Variants in CALB2 observed in about 807,000 individuals in gnomAD.
The protein encoded by CALB2 is calretinin.
CALB2 carries 34 observed loss-of-function variants against 45.9 expected under a neutral mutation model. The ratio of observed to expected loss-of-function variants is 0.74; its 90% confidence interval spans 0.56 to 0.99. The LOEUF (loss-of-function observed/expected upper bound fraction) is 0.99. Ranked by LOEUF, CALB2 falls within the 50% of genes least tolerant of loss-of-function variation. The pLI, the probability that CALB2 is intolerant of heterozygous loss-of-function variation, is 0.00. For missense variants in CALB2, 344 were observed against 339.3 expected (o/e 1.01, Z -0.11); for synonymous variants, 142 against 129.6 (o/e 1.10, Z -0.65).
intron 2 of CALB2, among the ~76,000 whole-genome samples, chr16:71,373,961 C>T (rs897757766): frequency 2.6e-5 from 4 of 152,190 alleles, no homozygotes; most frequent in African/African-American, 9.7e-5. Context: ...TCCTGGGGAG[C>T]ACACAATTCA....
chr16:71,375,842 T>A (rs1177842162), intron 3 of CALB2, among the ~76,000 whole-genome samples: 1 of 152,212 alleles, frequency 6.6e-6, no homozygotes, highest in African/African-American at 2.4e-5. Context: ...TGGTCTGTTG[T>A]ACCCCTGTGT....
rs1306099822 is a variant in CALB2 at position 71,372,165 on chromosome 16, T to C, written c.107T>C (p.Ile36Thr). The C allele has an allele frequency of 1.9e-6, 3 of 1,609,296 alleles. No homozygotes were observed. The highest frequency in any genetic ancestry group is 2.6e-6 in the Non-Finnish European group (3 of 1,176,426). ...KHFDADGNGY[I>T]EGKELENFFQ... ...TCTCTTTTTACAGGAAATGGGTATATTGAAGGTAAAGAGCTAGAAAACTTT... is the reference window on the plus strand; with the variant it reads ...TCTCTTTTTACAGGAAATGGGTATACTGAAGGTAAAGAGCTAGAAAACTTT... Residue 36 changes from isoleucine to threonine, a missense_variant, in exon 2 of 11, where the codon ATT becomes ACT. Physicochemically the swap from Ile to Thr is moderately conservative, Grantham distance 89. Around this residue, in one of 3 missense-constraint regions of CALB2, gnomAD observed 77 missense variants for 80.5 expected, o/e 0.96. Transcript: ENST00000302628.
chr16:71,372,315 G>C, intron 2 of CALB2, 86 bp downstream of exon 2: 1 of 919,010 alleles, frequency 1.1e-6, no homozygotes, highest in Non-Finnish European at 1.7e-6. Context: ...TATGCCATAA[G>C]CAGGCCTCAT....
At chr16:71,383,289 C>A in intron 5 of CALB2, 78 bp from the exon 6 acceptor site, 2 of 1,274,542 alleles carry the variant, frequency 1.6e-6, no homozygotes, top group African/African-American at 1.5e-5. Context: ...GAGAGACTGT[C>A]TGAATGAGCA....
chr16:71,373,628 G>C (rs889648655), intron 2 of CALB2, among the ~76,000 whole-genome samples: 1 of 152,128 alleles, frequency 6.6e-6, no homozygotes, highest in Non-Finnish European at 1.5e-5. Context: ...CTGTTATATA[G>C]TAGAAAGAAT....
intron 4 of CALB2, among the ~76,000 whole-genome samples, chr16:71,379,682 T>A (rs143321963): frequency 7.7e-4 from 117 of 152,280 alleles, no homozygotes; most frequent in Non-Finnish European, 1.4e-3. Flanking sequence ...TGGGGTTAAA[T>A]CCATTTCCAG....
At chr16:71,385,885 C>A (rs1336334990) in intron 10 of CALB2, among the ~76,000 whole-genome samples, 1 of 152,154 alleles carries the variant, frequency 6.6e-6, no homozygotes, top group African/African-American at 2.4e-5. Flanking sequence ...AGAAAGCTTA[C>A]CATCTTCACA....
chr16:71,389,555 C>A, intron 10 of CALB2, 194 bp from the exon 11 acceptor site: 1 of 735,074 alleles, frequency 1.4e-6, no homozygotes, highest in Non-Finnish European at 2.5e-6. Context: ...AGCAATGCAG[C>A]CAGTAAGTGA....
At chr16:71,362,906 A>G (rs1208880543) in intron 1 of CALB2, among the ~76,000 whole-genome samples, 2 of 152,218 alleles carry the variant, frequency 1.3e-5, no homozygotes, top group Non-Finnish European at 2.9e-5. Flanking sequence ...GAGGCCAGGC[A>G]CAGTGGCTCA....
chr16:71,360,686 C>G (rs2042229041), intron 1 of CALB2, among the ~76,000 whole-genome samples: 1 of 152,216 alleles, frequency 6.6e-6, no homozygotes, highest in Non-Finnish European at 1.5e-5. Flanking sequence ...AGCAAGAGCA[C>G]TGTCCATAAC....
At chr16:71,373,672 T>A (rs967267036) in intron 2 of CALB2, among the ~76,000 whole-genome samples, 1 of 152,292 alleles carries the variant, frequency 6.6e-6, no homozygotes, top group African/African-American at 2.4e-5. Flanking sequence ...TGAGTTCAAA[T>A]TCTGGCTTTA....
In CALB2 at chr16:71,382,748, T is replaced by A; in HGVS notation, c.372T>A (p.Ser124Arg). The A allele has an allele frequency of 3.7e-6, 6 of 1,611,596 alleles. No homozygotes were observed. Among genetic ancestry groups the A allele is most frequent in the Non-Finnish European group, 5.1e-6 (6 of 1,179,010 alleles). Residue 124 changes from serine (S) to arginine (R), a missense_variant, in exon 5 of 11, where the codon AGT becomes AGA. Transcript: ENST00000302628. ...GGCGGAAGTACGACACAGACAGGAGTGGCTACATCGAAGCCAATGAGCTCA... is the reference window on the plus strand; with the variant it reads ...GGCGGAAGTACGACACAGACAGGAGAGGCTACATCGAAGCCAATGAGCTCA... ...EAWRKYDTDRSGYIEANELKG... is the reference protein window; with the variant it reads ...EAWRKYDTDRRGYIEANELKG...
intron 8 of CALB2, among the ~76,000 whole-genome samples, 182 bp downstream of exon 8, chr16:71,384,560 CA>C (rs2042543817): frequency 7.2e-6 from 1 of 138,270 alleles, no homozygotes; most frequent in Non-Finnish European, 1.6e-5. Flanking sequence ...ACAGACCACA[CA>C]CACCACATAC....
chr16:71,361,115 C>T (rs984104433), intron 1 of CALB2, among the ~76,000 whole-genome samples: 6 of 152,292 alleles, frequency 3.9e-5, no homozygotes, highest in African/African-American at 1.4e-4. Context: ...CTGGCTCCCT[C>T]CTGCTCCGGG....
intron 1 of CALB2, among the ~76,000 whole-genome samples, chr16:71,359,203 A>G (rs988552585): frequency 2.0e-5 from 3 of 151,776 alleles, no homozygotes; most frequent in Admixed American, 6.6e-5. Context: ...CATCTCCCCC[A>G]CCTCCCCTGC....
intron 10 of CALB2, among the ~76,000 whole-genome samples, chr16:71,388,140 A>C (rs2042590971): frequency 6.6e-6 from 1 of 151,858 alleles, no homozygotes; most frequent in Admixed American, 6.6e-5. Context: ...GAGGGAAAAA[A>C]ATTTTAAGTA....
At chr16:71,376,668 CCCACATACAA>C (rs1453650904) in intron 3 of CALB2, among the ~76,000 whole-genome samples, 1 of 151,816 alleles carries the variant, frequency 6.6e-6, no homozygotes, top group Non-Finnish European at 1.5e-5. Flanking sequence ...GCCATATACA[CCCACATACAA>C]CCACATACAT....
intron 10 of CALB2, among the ~76,000 whole-genome samples, chr16:71,386,658 T>C (rs2042574514): frequency 6.6e-6 from 1 of 152,212 alleles, no homozygotes; most frequent in African/African-American, 2.4e-5. Context: ...CTGGAAAATG[T>C]CTTTCTCTGA....
intron 1 of CALB2, among the ~76,000 whole-genome samples, chr16:71,369,140 G>A (rs762200907): frequency 6.6e-6 from 1 of 152,142 alleles, no homozygotes; most frequent in Admixed American, 6.5e-5. Flanking sequence ...CAGCATGGGC[G>A]GGAAGCACAA....
Sources: allele counts gnomAD v4.1 joint callset (sites outside exome capture counted in the v4.1 genomes callset), GRCh38; gene constraint gnomAD v4.1.1; regional missense constraint gnomAD v4.1.1; transcripts MANE v1.5; gene names NCBI Gene and HGNC (gene_info 2026-07-23, HGNC 2026-07-21).